The following ELF2 variants were observed in gnomAD, a reference collection of about 807,000 sequenced individuals.
ELF2 encodes E74 like ETS transcription factor 2, also known as ETS-related transcription factor Elf-2.
Under a neutral mutation model 54.8 loss-of-function variants are expected in ELF2, and 11 were observed. The ratio of observed to expected loss-of-function variants is 0.20; its 90% confidence interval spans 0.13 to 0.33. The LOEUF (loss-of-function observed/expected upper bound fraction) is 0.33. ELF2 is among the 10% of genes least tolerant of loss of function. The probability of loss-of-function intolerance (pLI) is 1.00; values close to 1 mark genes in which losing one functional copy is unlikely to be tolerated. For missense variants in ELF2, 513 were observed against 703.0 expected, an observed-to-expected ratio of 0.73 and a Z score of 3.06; for synonymous variants, 203 against 245.1, an observed-to-expected ratio of 0.83 and a Z score of 1.61.
intron 4 of ELF2, among the ~76,000 whole-genome samples, chr4:139,111,235 C>A (rs994022288): frequency 3.9e-5 from 6 of 152,098 alleles, no homozygotes; most frequent in African/African-American, 1.4e-4. Flanking sequence ...TTGTATGCAG[C>A]GCTGAAAATA....
At chr4:139,116,803 G>A in intron 4 of ELF2, 2 of 793,392 alleles carry the variant, frequency 2.5e-6, no homozygotes, top group Non-Finnish European at 3.1e-6. Context: ...CCACAGGGAG[G>A]ATTTCTGATG....
intron 7 of ELF2, among the ~76,000 whole-genome samples, chr4:139,062,569 C>T (rs1046643525): frequency 6.6e-6 from 1 of 152,194 alleles, no homozygotes; most frequent in African/African-American, 2.4e-5. Flanking sequence ...ATCACACTAT[C>T]CTAGATTTTG....
rs532706366 is a variant in ELF2, at chr4:139,072,512, T to C, written c.353-473A>G. Among the ~76,000 whole-genome samples, 3 of 152,344 alleles carry C rather than the reference T, an allele frequency of 2.0e-5. No individual in the cohort carries two copies. The South Asian group carries it at 6.2e-4, about 32-fold the overall frequency. ...TCAGTAAAACATAAGCACCTATAGTTCATTTTAGAATATGAAAAGGAAAAC... is the reference window on the plus strand; with the variant it reads ...TCAGTAAAACATAAGCACCTATAGTCCATTTTAGAATATGAAAAGGAAAAC... On this transcript the variant is annotated intron_variant, in intron 5 of 9. Coordinates refer to ENST00000686138, the MANE Select transcript of ELF2 (RefSeq NM_001331036.3).
chr4:139,139,263 C>T, intron 2 of ELF2, 150 bp downstream of exon 2: 1 of 367,912 alleles, frequency 2.7e-6, no homozygotes, highest in Non-Finnish European at 4.5e-6. Flanking sequence ...CTATTAGCCT[C>T]CCTTTTGATC....
upstream of ELF2, among the ~76,000 whole-genome samples, chr4:139,177,465 C>A (rs1579010041): frequency 6.6e-6 from 1 of 151,130 alleles, no homozygotes; most frequent in East Asian, 2.0e-4. Flanking sequence ...CGGGCCCCCA[C>A]CAGCCCGCCG....
chr4:139,082,815 ACAGT>A (rs1731307451), intron 4 of ELF2, among the ~76,000 whole-genome samples: 1 of 152,224 alleles, frequency 6.6e-6, no homozygotes, highest in African/African-American at 2.4e-5. Flanking sequence ...GCTTACTATT[ACAGT>A]AAGTAAACAG....
intron 4 of ELF2, among the ~76,000 whole-genome samples, chr4:139,112,623 T>C (rs942706701): frequency 3.3e-5 from 5 of 152,266 alleles, no homozygotes; most frequent in Non-Finnish European, 7.3e-5. Context: ...TTTAAAATTC[T>C]ATATAATCCA....
chr4:139,069,509 A>C (rs1729207092), intron 6 of ELF2, among the ~76,000 whole-genome samples: 1 of 152,238 alleles, frequency 6.6e-6, no homozygotes, highest in African/African-American at 2.4e-5. Flanking sequence ...AGCCCAACTT[A>C]GTAGAAAAGT....
At chr4:139,133,658 CG>C (rs1267900885) in intron 3 of ELF2, among the ~76,000 whole-genome samples, 1 of 144,128 alleles carries the variant, frequency 6.9e-6, no homozygotes, top group African/African-American at 2.6e-5. Context: ...TTTTAAGATA[CG>C]GGGTTCACTA....
intron 4 of ELF2, among the ~76,000 whole-genome samples, chr4:139,119,404 G>A (rs1736088429): frequency 6.6e-6 from 1 of 152,112 alleles, no homozygotes; most frequent in Non-Finnish European, 1.5e-5. Flanking sequence ...TTCATCAACG[G>A]GATTCCTATG....
intron 3 of ELF2, among the ~76,000 whole-genome samples, chr4:139,126,668 C>A (rs2148838874): frequency 6.6e-6 from 1 of 152,282 alleles, no homozygotes; most frequent in East Asian, 1.9e-4. Context: ...TGAGCAATTT[C>A]TTCAAAATTA....
intron 4 of ELF2, among the ~76,000 whole-genome samples, chr4:139,087,531 T>C (rs1409035396): frequency 6.6e-6 from 1 of 152,208 alleles, no homozygotes; most frequent in Admixed American, 6.5e-5. Context: ...AGTGGCGCGA[T>C]CTCGGCTCAC....
At chr4:139,161,457 T>C (rs1263059726) in intron 1 of ELF2, among the ~76,000 whole-genome samples, 2 of 151,960 alleles carry the variant, frequency 1.3e-5, no homozygotes, top group African/African-American at 4.8e-5. Flanking sequence ...ACTAATTTAA[T>C]AGTGTTGATT....
At chr4:139,171,950 A>G (rs1742352459) in intron 1 of ELF2, among the ~76,000 whole-genome samples, 2 of 152,254 alleles carry the variant, frequency 1.3e-5, no homozygotes, top group East Asian at 1.9e-4. Context: ...TAGAACAGCT[A>G]TAATTAAAAA....
rs748451539 is a variant in ELF2 at position 139,060,295 on chromosome 4, CA to C, written c.1157+28del. 2.6e-6 allele frequency: 4 copies of C among 1,527,532 alleles called. No individual in the cohort carries two copies. In the South Asian group the frequency reaches 5.1e-5, roughly 20 times the overall value. The allele number at this position is 1,527,532 out of a possible 1,614,324, so 94.6% of individuals were successfully genotyped here. On this transcript the variant is annotated intron_variant, in intron 9 of 9. Coordinates refer to ENST00000686138, the MANE Select transcript of ELF2 (RefSeq NM_001331036.3). Reference sequence around the variant, plus strand: ...CGGAGACTTTTTTAAAAAGTAAATACATTGTAACTAATGGTTTGCTTCACTT... The same window carrying C: ...CGGAGACTTTTTTAAAAAGTAAATACTTGTAACTAATGGTTTGCTTCACTT...
At position 139,132,841 on chromosome 4, in the gene ELF2, C is replaced by CATATATATATATATAT. The variant is rs58765596; in HGVS notation, c.72+4773_72+4788dup. ...TTTCCAAAGTGGTTATATTACTTTA[C>CATATATATATATATAT]ATATATATATATATATATATATATA... On this transcript the variant is annotated intron_variant, in intron 3 of 9. Coordinates refer to ENST00000686138, the MANE Select transcript of ELF2 (RefSeq NM_001331036.3). 1.6e-3 allele frequency among the ~76,000 whole-genome samples: 183 copies of CATATATATATATATAT among 114,974 alleles called. 1 individual carries two copies. The highest frequency in any genetic ancestry group is 5.4e-3 in the African/African-American group (169 of 31,558). The allele number at this position is 114,974 out of a possible 152,430, so 75.4% of individuals were successfully genotyped here.
intron 1 of ELF2, among the ~76,000 whole-genome samples, chr4:139,162,811 A>T (rs1741308410): frequency 6.6e-6 from 1 of 152,086 alleles, no homozygotes; most frequent in Non-Finnish European, 1.5e-5. Flanking sequence ...AAAAATATTT[A>T]AAAGTCTAGG....
intron 4 of ELF2, among the ~76,000 whole-genome samples, chr4:139,080,204 T>G (rs1730905974): frequency 1.3e-5 from 2 of 152,230 alleles, no homozygotes; most frequent in African/African-American, 4.8e-5. Context: ...CTGACTGATG[T>G]GACCATGTAA....
At chr4:139,136,504 T>C (rs1738168280) in intron 3 of ELF2, among the ~76,000 whole-genome samples, 1 of 151,694 alleles carries the variant, frequency 6.6e-6, no homozygotes, top group Non-Finnish European at 1.5e-5. Context: ...GTTATACTGG[T>C]AGGAAGCACG....
Sources: gnomAD v4.1 joint callset for allele counts (sites outside exome capture counted in the v4.1 genomes callset) on GRCh38, gnomAD v4.1.1 for gene constraint, MANE v1.5 for transcripts, NCBI Gene and HGNC (gene_info 2026-07-23, HGNC 2026-07-21) for gene names.